The following ESRRB variants were observed in gnomAD, a reference collection of about 807,000 sequenced individuals.
The protein encoded by ESRRB is steroid hormone receptor ERR2.
ESRRB carries 16 observed loss-of-function variants against 46.0 expected under a neutral mutation model. The observed-to-expected ratio is 0.35, with a 90% CI of 0.24 to 0.53. The LOEUF (loss-of-function observed/expected upper bound fraction) is 0.53. Ranked by LOEUF, ESRRB falls within the 20% of genes least tolerant of loss-of-function variation. ESRRB has a pLI of 0.93. For missense variants in ESRRB, 488 were observed against 607.4 expected (o/e 0.80, Z 2.07); for synonymous variants, 246 against 259.6 (o/e 0.95, Z 0.50).
chr14:76,393,208 G>A (rs1448790098), intron 1 of ESRRB, among the ~76,000 whole-genome samples: 2 of 152,280 alleles, frequency 1.3e-5, no homozygotes, highest in African/African-American at 2.4e-5. Context: ...GTTCTCGCAG[G>A]AGACCCTGTA....
chr14:76,421,566 C>A lies in ESRRB; in HGVS notation c.51-17775C>A, dbSNP rs1298728477. ...CTGTTTACTCCATGTACCCTTACAA[C>A]AACCAAGTGGAGTAGGGCAGTTTTT... On this transcript the variant is annotated intron_variant, in intron 1 of 6. Transcript: ENST00000644823. 3.0e-4 allele frequency among the ~76,000 whole-genome samples: 46 copies of A among 152,238 alleles called. 1 individual carries two copies. The highest frequency in any genetic ancestry group is 3.0e-3 in the Admixed American group (46 of 15,292).
intron 1 of ESRRB, among the ~76,000 whole-genome samples, chr14:76,332,899 T>TTA (rs1884053451): frequency 2.7e-4 from 3 of 10,976 alleles, no homozygotes; most frequent in Non-Finnish European, 3.3e-4. Context: ...TATTTATATA[T>TTA]TATATACTTA....
intron 1 of ESRRB, among the ~76,000 whole-genome samples, chr14:76,330,611 G>A (rs534599817): frequency 9.9e-5 from 15 of 152,194 alleles, no homozygotes; most frequent in Non-Finnish European, 1.8e-4. Context: ...ACTAAGAATC[G>A]AGGAAGGGAG....
At chr14:76,419,841 G>A (rs1431688981) in intron 1 of ESRRB, among the ~76,000 whole-genome samples, 2 of 152,156 alleles carry the variant, frequency 1.3e-5, no homozygotes, top group Admixed American at 6.5e-5. Context: ...GCCCCTTCCA[G>A]TTTAGGCTGG....
chr14:76,425,164 G>A (rs541510070), intron 1 of ESRRB, among the ~76,000 whole-genome samples: 6 of 152,138 alleles, frequency 3.9e-5, no homozygotes, highest in African/African-American at 7.2e-5. Context: ...GCTGCCTTCC[G>A]CAGTCTGGAG....
chr14:76,468,053 G>A (rs1227421681), intron 3 of ESRRB, among the ~76,000 whole-genome samples: 1 of 152,126 alleles, frequency 6.6e-6, no homozygotes, highest in Non-Finnish European at 1.5e-5. Flanking sequence ...GGGCTCCTCC[G>A]GGGATTCTGG....
intron 6 of ESRRB, among the ~76,000 whole-genome samples, chr14:76,496,031 G>A (rs1890413972): frequency 1.3e-5 from 2 of 152,188 alleles, no homozygotes; most frequent in Admixed American, 1.3e-4. Flanking sequence ...CTGAGTGTCT[G>A]GCAACCTGAC....
intron 1 of ESRRB, among the ~76,000 whole-genome samples, chr14:76,434,365 C>T (rs1887577924): frequency 6.6e-6 from 1 of 152,132 alleles, no homozygotes; most frequent in African/African-American, 2.4e-5. Context: ...TAAGAAATAA[C>T]AGCGAAGCTG....
chr14:76,467,923 C>G (rs945783871), intron 3 of ESRRB, among the ~76,000 whole-genome samples: 5 of 152,192 alleles, frequency 3.3e-5, no homozygotes, highest in Non-Finnish European at 5.9e-5. Flanking sequence ...ATTTCTCCCC[C>G]ACTCAGCCCC....
Position 76,458,840 on chromosome 14 carries a change from CTT to C in ESRRB, c.461-3684_461-3683del, listed in dbSNP as rs58084859. Reference sequence around the variant, plus strand: ...TACCCTGGATTCTGTTCACCCTCTCCTTTTTTTTTTTTTTTTTTTTTTGAGAC... The same window carrying C: ...TACCCTGGATTCTGTTCACCCTCTCCTTTTTTTTTTTTTTTTTTTTGAGAC... On this transcript the variant is annotated intron_variant, in intron 2 of 6. Transcript: ENST00000644823. Among the ~76,000 whole-genome samples, 598 of 126,232 alleles carry C rather than the reference CTT, an allele frequency of 4.7e-3. 1 individual carries two copies. Among genetic ancestry groups the C allele is most frequent in the African/African-American group, 0.018 (565 of 31,752 alleles). The allele number at this position is 126,232 out of a possible 152,430, so 82.8% of individuals were successfully genotyped here.
intron 1 of ESRRB, chr14:76,407,446 C>CA (rs1886239195): frequency 2.8e-6 from 2 of 722,972 alleles, no homozygotes; most frequent in African/African-American, 1.9e-5. Flanking sequence ...CGAGCAGAGC[C>CA]ACCAGGCTAA....
At chr14:76,416,372 C>T (rs894606700) in intron 1 of ESRRB, among the ~76,000 whole-genome samples, 1 of 151,882 alleles carries the variant, frequency 6.6e-6, no homozygotes, top group African/African-American at 2.4e-5. Context: ...GTTCAGACTG[C>T]CTTTGTCTCC....
chr14:76,457,823 C>T (rs1888676152), intron 2 of ESRRB, among the ~76,000 whole-genome samples: 2 of 152,128 alleles, frequency 1.3e-5, no homozygotes, highest in Admixed American at 1.3e-4. Flanking sequence ...CAGATGCCCA[C>T]CACCATGCCT....
chr14:76,326,256 A>G (rs538965324), intron 1 of ESRRB, among the ~76,000 whole-genome samples: 2 of 152,292 alleles, frequency 1.3e-5, no homozygotes, highest in East Asian at 3.9e-4. Flanking sequence ...GAAAGAAAGA[A>G]ACTCAAGATG....
intron 3 of ESRRB, among the ~76,000 whole-genome samples, chr14:76,472,481 C>T (rs1039798621): frequency 3.9e-5 from 6 of 152,192 alleles, no homozygotes; most frequent in African/African-American, 9.7e-5. Context: ...AGCTACAAGG[C>T]TCTCTCTCTT....
At chr14:76,316,640 C>G (rs1883803866) in intron 1 of ESRRB, among the ~76,000 whole-genome samples, 1 of 152,122 alleles carries the variant, frequency 6.6e-6, no homozygotes, top group South Asian at 2.1e-4. Flanking sequence ...CTATGGATGT[C>G]CACCTGCTTT....
At chr14:76,497,780 A>G (rs1270827977) in intron 6 of ESRRB, among the ~76,000 whole-genome samples, 1 of 152,180 alleles carries the variant, frequency 6.6e-6, no homozygotes, top group African/African-American at 2.4e-5. Context: ...CTACCAGGGC[A>G]CTGACTTGTG....
At chr14:76,474,097 A>G (rs1476055242) in intron 3 of ESRRB, among the ~76,000 whole-genome samples, 2 of 152,242 alleles carry the variant, frequency 1.3e-5, no homozygotes, top group African/African-American at 4.8e-5. Flanking sequence ...AGAGAGTCCC[A>G]GTGTTGGGGC....
At chr14:76,477,204 C>G (rs1335043243) in intron 3 of ESRRB, among the ~76,000 whole-genome samples, 2 of 152,194 alleles carry the variant, frequency 1.3e-5, no homozygotes, top group African/African-American at 4.8e-5. Context: ...CTCTAAATGG[C>G]CCTAGCAAGT....
Sources: gnomAD v4.1 joint callset for allele counts (sites outside exome capture counted in the v4.1 genomes callset) on GRCh38, gnomAD v4.1.1 for gene constraint, MANE v1.5 for transcripts, NCBI Gene and HGNC (gene_info 2026-07-23, HGNC 2026-07-21) for gene names.